Variants in GPR39 observed in about 807,000 individuals in gnomAD.
GPR39 encodes G protein-coupled receptor 39.
Under a neutral mutation model 18.4 loss-of-function variants are expected in GPR39, and 23 were observed. The observed-to-expected ratio is 1.25, with a 90% confidence interval of 0.90 to 1.77. The LOEUF is 1.77. Ranked by LOEUF, GPR39 falls within the 40% of genes most tolerant of loss-of-function variation. The probability of loss-of-function intolerance (pLI) is 0.00; values close to 1 mark genes in which losing one functional copy is unlikely to be tolerated. For synonymous variants in GPR39, 280 were observed against 257.9 expected (o/e 1.09, Z -0.82); for missense variants, 647 against 602.4 (o/e 1.07, Z -0.78).
intron 1 of GPR39, among the ~76,000 whole-genome samples, chr2:132,636,596 G>C (rs565010180): frequency 2.0e-5 from 3 of 152,218 alleles, no homozygotes; most frequent in Non-Finnish European, 4.4e-5. Context: ...GAAGCCCCAC[G>C]TTTGGACTCA....
At chr2:132,524,540 C>T (rs1679477277) in intron 1 of GPR39, among the ~76,000 whole-genome samples, 2 of 152,190 alleles carry the variant, frequency 1.3e-5, no homozygotes, top group Admixed American at 6.5e-5. Flanking sequence ...CTCATTTTCT[C>T]TATTGAGTGA....
At chr2:132,600,312 TAAAC>T (rs1050870636) in intron 1 of GPR39, among the ~76,000 whole-genome samples, 4 of 151,428 alleles carry the variant, frequency 2.6e-5, no homozygotes, top group Non-Finnish European at 5.9e-5. Flanking sequence ...AGATTTCAAA[TAAAC>T]AACCTAACAA....
chr2:132,505,002 A>C lies in GPR39; in HGVS notation c.856+87104A>C, dbSNP rs115376301. Among the ~76,000 whole-genome samples the C allele has an allele frequency of 9.9e-3, 1,511 of 152,332 alleles. 27 individuals carry two copies. Among genetic ancestry groups the C allele is most frequent in the African/African-American group, 0.035 (1,439 of 41,570 alleles). On this transcript the variant is annotated intron_variant, in intron 1 of 1. Coordinates refer to ENST00000329321, the MANE Select transcript of GPR39 (RefSeq NM_001508.3). Reference sequence around the variant, plus strand: ...TCCAGCTGCTTTCATGTGATATGCTAATAAATAGGCATGTGCCTTAGTCTG... The same window carrying C: ...TCCAGCTGCTTTCATGTGATATGCTCATAAATAGGCATGTGCCTTAGTCTG...
intron 1 of GPR39, among the ~76,000 whole-genome samples, chr2:132,492,883 A>G (rs1161243946): frequency 7.0e-6 from 1 of 142,074 alleles, no homozygotes; most frequent in Non-Finnish European, 1.5e-5. Flanking sequence ...CCATATATAT[A>G]CACCATATAT....
At chr2:132,616,894 C>T (rs186228484) in intron 1 of GPR39, among the ~76,000 whole-genome samples, 3 of 152,334 alleles carry the variant, frequency 2.0e-5, no homozygotes, top group Admixed American at 2.0e-4. Flanking sequence ...TGCCCCGCTC[C>T]CGCCACGGTC....
intron 1 of GPR39, among the ~76,000 whole-genome samples, chr2:132,436,470 C>A (rs1427174373): frequency 6.6e-6 from 1 of 152,094 alleles, no homozygotes; most frequent in East Asian, 1.9e-4. Flanking sequence ...ATTTTTGAGG[C>A]CCATTAAAAC....
At chr2:132,525,923 G>A (rs1386432450) in intron 1 of GPR39, among the ~76,000 whole-genome samples, 1 of 152,168 alleles carries the variant, frequency 6.6e-6, no homozygotes, top group Non-Finnish European at 1.5e-5. Context: ...CATGAAAGTG[G>A]ACACGGAACA....
chr2:132,628,297 TGGA>T (rs1452587351), intron 1 of GPR39, among the ~76,000 whole-genome samples: 1 of 152,190 alleles, frequency 6.6e-6, no homozygotes, highest in Non-Finnish European at 1.5e-5. Flanking sequence ...CTGGTTTGCT[TGGA>T]GGAGTTATTT....
At chr2:132,600,878 G>T (rs1002723219) in intron 1 of GPR39, among the ~76,000 whole-genome samples, 5 of 151,862 alleles carry the variant, frequency 3.3e-5, no homozygotes, top group Admixed American at 2.0e-4. Context: ...TGGGCTTTTA[G>T]TGTACCTGTC....
At chr2:132,465,069 A>G (rs989301446) in intron 1 of GPR39, among the ~76,000 whole-genome samples, 1 of 152,244 alleles carries the variant, frequency 6.6e-6, no homozygotes, top group Non-Finnish European at 1.5e-5. Context: ...TGGATTTGAG[A>G]CATAATTCAT....
chr2:132,484,959 G>A (rs1158094214), intron 1 of GPR39, among the ~76,000 whole-genome samples: 2 of 152,206 alleles, frequency 1.3e-5, no homozygotes, highest in Non-Finnish European at 2.9e-5. Context: ...AATGTCAGAA[G>A]TGGGGGAAAA....
chr2:132,554,256 A>G (rs781383626), intron 1 of GPR39, among the ~76,000 whole-genome samples: 1 of 152,154 alleles, frequency 6.6e-6, no homozygotes, highest in Non-Finnish European at 1.5e-5. Flanking sequence ...TGTACAATGA[A>G]CCTGCATTAA....
chr2:132,495,744 C>A (rs1460826879), intron 1 of GPR39, among the ~76,000 whole-genome samples: 2 of 152,078 alleles, frequency 1.3e-5, no homozygotes, highest in African/African-American at 4.8e-5. Context: ...CAGTATCTGG[C>A]TAGAGAAAGT....
chr2:132,443,535 C>T (rs909730985), intron 1 of GPR39, among the ~76,000 whole-genome samples: 17 of 152,122 alleles, frequency 1.1e-4, no homozygotes, highest in Middle Eastern at 3.2e-3. Flanking sequence ...CTAATATAAG[C>T]GTTCTGAGCA....
intron 1 of GPR39, among the ~76,000 whole-genome samples, chr2:132,431,364 A>T (rs1680221477): frequency 6.6e-6 from 1 of 152,260 alleles, no homozygotes. Context: ...TTGACCATGG[A>T]AAATAGGAAA....
rs1558815144 is a variant in GPR39 at position 132,493,191 on chromosome 2, TACACCATATATAC to T, written c.856+75296_856+75308del. On this transcript the variant is annotated intron_variant, in intron 1 of 1. Coordinates refer to ENST00000329321, the MANE Select transcript of GPR39 (RefSeq NM_001508.3). ...ATACACCATATATACACCATATATATACACCATATATACACCATATATGTACACCATATATACA... is the reference window on the plus strand; with the variant it reads ...ATACACCATATATACACCATATATATACCATATATGTACACCATATATACA... Among the ~76,000 whole-genome samples the T allele has an allele frequency of 1.5e-4, 21 of 137,542 alleles. No homozygotes were observed. The South Asian group carries it at 4.4e-3, about 29-fold the overall frequency. The allele number at this position is 137,542 out of a possible 152,430, so 90.2% of individuals were successfully genotyped here.
chr2:132,509,072 G>A (rs1480852128), intron 1 of GPR39, among the ~76,000 whole-genome samples: 1 of 152,176 alleles, frequency 6.6e-6, no homozygotes, highest in Non-Finnish European at 1.5e-5. Context: ...GTGGGTCCAA[G>A]AGCTGGGAAA....
intron 1 of GPR39, among the ~76,000 whole-genome samples, chr2:132,456,579 G>A (rs939136366): frequency 6.6e-6 from 1 of 152,150 alleles, no homozygotes; most frequent in African/African-American, 2.4e-5. Flanking sequence ...AGCATCGATG[G>A]TCTTTTCAAT....
chr2:132,579,208 T>G (rs1171723577), intron 1 of GPR39, among the ~76,000 whole-genome samples: 1 of 152,024 alleles, frequency 6.6e-6, no homozygotes, highest in Non-Finnish European at 1.5e-5. Flanking sequence ...ACATTCCTCT[T>G]AAGACTTCCT....
Sources: allele counts gnomAD v4.1 joint callset (sites outside exome capture counted in the v4.1 genomes callset), GRCh38; gene constraint gnomAD v4.1.1; transcripts MANE v1.5; gene names NCBI Gene and HGNC (gene_info 2026-07-23, HGNC 2026-07-21).